Variants in ATP11C observed in about 807,000 individuals in gnomAD.
ATP11C encodes the protein ATPase phospholipid transporting 11C (ATP11C blood group).
A neutral mutation model predicts 97.4 loss-of-function variants in ATP11C; 36 were observed. The observed-to-expected ratio is 0.37, with a 90% CI of 0.28 to 0.49. The LOEUF (loss-of-function observed/expected upper bound fraction) is 0.49. Among genes scored for constraint, ATP11C ranks in the 20% least tolerant of loss-of-function variants. The pLI, the probability that ATP11C is intolerant of heterozygous loss-of-function variation, is 0.98. For missense variants in ATP11C, 730 were observed against 824.6 expected (o/e 0.89, Z 1.40); for synonymous variants, 275 against 290.9 (o/e 0.95, Z 0.56).
At position 139,932,402 on chromosome X, in the gene ATP11C, C is replaced by T. The variant is rs2148203790; in HGVS notation, c.-360G>A. On this transcript the variant is annotated 5_prime_UTR_variant, in exon 1 of 30. Coordinates refer to ENST00000682941, the MANE Select transcript of ATP11C (RefSeq NM_001353812.2). The stretch of plus-strand genomic sequence containing the variant: ...GGAAGGATGGCGGAGGAGCGCGAGG[C>T]TCCTCCTGTGGGGAGGGGGCGCCCC... 9.1e-6 allele frequency: 1 copy of T among 109,916 alleles called. No individual in the cohort carries two copies. Among genetic ancestry groups the T allele is most frequent in the African/African-American group, 3.3e-5 (1 of 30,521 alleles). The allele number at this position is 109,916 out of a possible 1,213,427, so 9.1% of individuals were successfully genotyped here.
At chrX:139,819,835 G>T (rs1332998774) in intron 2 of ATP11C, among the ~76,000 whole-genome samples, 1 of 112,027 alleles carries the variant, frequency 8.9e-6, no homozygotes, top group Non-Finnish European at 1.9e-5. Context: ...TTGTTCACCT[G>T]TATTGTTTAC....
At chrX:139,919,610 CAT>C (rs1183173807) in intron 1 of ATP11C, among the ~76,000 whole-genome samples, 7 of 112,146 alleles carry the variant, frequency 6.2e-5, no homozygotes, top group Middle Eastern at 4.6e-3. Context: ...CAAGTAAAAA[CAT>C]ATTCATTTTA....
chrX:139,788,166 G>C, intron 14 of ATP11C, 26 bp downstream of exon 14: 7 of 1,148,720 alleles, frequency 6.1e-6, no homozygotes, highest in South Asian at 2.0e-5. Flanking sequence ...ACTTTCTTAG[G>C]AGAAGTATAA....
At chrX:139,867,055 C>A (rs1329428344) in intron 1 of ATP11C, among the ~76,000 whole-genome samples, 1 of 111,797 alleles carries the variant, frequency 8.9e-6, no homozygotes, top group Non-Finnish European at 1.9e-5. Flanking sequence ...TACTGCACTC[C>A]AGACTAAGCG....
intron 1 of ATP11C, among the ~76,000 whole-genome samples, chrX:139,895,261 TTTAGA>T (rs1250949328): frequency 8.9e-6 from 1 of 111,859 alleles, no homozygotes; most frequent in Non-Finnish European, 1.9e-5. Flanking sequence ...AATCCCTACT[TTTAGA>T]ATAAGTTTTT....
chrX:139,819,994 T>C (rs1388636976), intron 2 of ATP11C, among the ~76,000 whole-genome samples: 1 of 111,763 alleles, frequency 8.9e-6, no homozygotes, highest in Non-Finnish European at 1.9e-5. Context: ...GAGACCAGCC[T>C]GGCCAACATG....
chrX:139,797,213 T>C lies in ATP11C; in HGVS notation c.971A>G (p.Tyr324Cys). ...QSTPYNDEPW[Y>C]NQKTQKERET... ...TCGCTCTTTCTGAGTCTTTTGGTTA[T>C]ACCAAGGTTCATCATTGTATGGGGT... is the stretch of plus-strand genomic sequence containing the variant. Residue 324 changes from tyrosine (Y) to cysteine (C), a missense_variant, in exon 11 of 30, where the codon TAT becomes TGT. Physicochemically the swap from Tyr to Cys is radical, Grantham distance 194. Coordinates refer to ENST00000682941, the MANE Select transcript of ATP11C (RefSeq NM_001353812.2). 3 of 1,205,931 alleles carry C rather than the reference T, an allele frequency of 2.5e-6. No homozygotes were observed. The highest frequency in any genetic ancestry group is 3.4e-6 in the Non-Finnish European group (3 of 893,385).
chrX:139,735,457 T>A (rs1329180203), intron 28 of ATP11C, among the ~76,000 whole-genome samples: 2 of 111,818 alleles, frequency 1.8e-5, no homozygotes, highest in East Asian at 2.8e-4. Flanking sequence ...GGGGGATCTA[T>A]CAGGATATGG....
intron 18 of ATP11C, among the ~76,000 whole-genome samples, chrX:139,779,570 G>A (rs186012144): frequency 9.0e-6 from 1 of 111,692 alleles, no homozygotes; most frequent in East Asian, 2.8e-4. Context: ...CAAAAATTAT[G>A]GGATATGTCA....
In ATP11C at chrX:139,932,827, A is replaced by C. The variant is rs1203418142; in HGVS notation, c.-785T>G. ...GTGGAGCCGGGCTCTGAGGCAGGGC[A>C]CCGTGAAGACCCCAGCGCGGGAGGG... is the stretch of plus-strand genomic sequence containing the variant. On this transcript the variant is annotated 5_prime_UTR_variant, in exon 1 of 30. Coordinates refer to ENST00000682941, the MANE Select transcript of ATP11C (RefSeq NM_001353812.2). 2 of 111,404 alleles carry C rather than the reference A, an allele frequency of 1.8e-5. No homozygotes were observed. Among genetic ancestry groups the C allele is most frequent in the Non-Finnish European group, 3.8e-5 (2 of 52,895 alleles). The allele number at this position is 111,404 out of a possible 1,213,427, so 9.2% of individuals were successfully genotyped here.
At chrX:139,818,227 G>T (rs1189488740) in intron 3 of ATP11C, among the ~76,000 whole-genome samples, 2 of 111,925 alleles carry the variant, frequency 1.8e-5, no homozygotes, top group Non-Finnish European at 3.8e-5. Context: ...TTCTGTTAAT[G>T]CTTCTTGAAT....
chrX:139,835,926 C>T (rs1239781135), intron 1 of ATP11C, among the ~76,000 whole-genome samples: 1 of 97,308 alleles, frequency 1.0e-5, no homozygotes, highest in African/African-American at 3.8e-5. Flanking sequence ...ACTTGGGAGG[C>T]TGAGGCAGGA....
At chrX:139,787,097 T>A (rs1297751686) in intron 15 of ATP11C, 76 bp downstream of exon 15, 8 of 1,183,381 alleles carry the variant, frequency 6.8e-6, no homozygotes, top group Non-Finnish European at 9.1e-6. Flanking sequence ...TCATTTCCTT[T>A]GCTGCCCTGC....
chrX:139,833,994 T>C (rs182523635), intron 1 of ATP11C, among the ~76,000 whole-genome samples: 8 of 111,807 alleles, frequency 7.2e-5, no homozygotes, highest in Non-Finnish European at 1.3e-4. Context: ...TATAGGAATA[T>C]TGAAACTCTA....
In ATP11C at chrX:139,768,761, C is replaced by T. The variant is rs181339696; in HGVS notation, c.2217-327G>A. 6.4e-5 allele frequency among the ~76,000 whole-genome samples: 7 copies of T among 109,732 alleles called. No homozygotes were observed. The East Asian group carries it at 2.0e-3, about 32-fold the overall frequency. On this transcript the variant is annotated intron_variant, in intron 19 of 29. Coordinates refer to ENST00000682941, the MANE Select transcript of ATP11C (RefSeq NM_001353812.2). ...ATTTTGTGGATGTGATGAAAGTCCA[C>T]AAGCAGTTGATTTCAAGTAAGAGAG...
At chrX:139,820,205 G>A (rs1603387322) in intron 2 of ATP11C, among the ~76,000 whole-genome samples, 2 of 99,428 alleles carry the variant, frequency 2.0e-5, no homozygotes, top group Admixed American at 1.1e-4. Context: ...AAAAAAAAAA[G>A]GCCTGGGCAA....
chrX:139,804,966 A>G (rs2083009707), intron 5 of ATP11C, among the ~76,000 whole-genome samples: 1 of 111,945 alleles, frequency 8.9e-6, no homozygotes, highest in African/African-American at 3.2e-5. Flanking sequence ...CACTTCATGA[A>G]CACTGAACAG....
upstream of ATP11C, among the ~76,000 whole-genome samples, chrX:139,936,876 C>G (rs1031947312): frequency 9.1e-6 from 1 of 110,121 alleles, no homozygotes; most frequent in South Asian, 4.0e-4. Context: ...GGGAGCGGTG[C>G]GAAGGAGTCA....
At chrX:139,925,455 T>TTGTAGCCCAGTCTCAAATGCATAA (rs2085336383) in intron 1 of ATP11C, among the ~76,000 whole-genome samples, 1 of 100,190 alleles carries the variant, frequency 1.0e-5, no homozygotes, top group African/African-American at 3.6e-5. Flanking sequence ...CTGGCTAATT[T>TTGTAGCCCAGTCTCAAATGCATAA]TGTAGCCCAG....
Sources: allele counts gnomAD v4.1 joint callset (sites outside exome capture counted in the v4.1 genomes callset), GRCh38; gene constraint gnomAD v4.1.1; transcripts MANE v1.5; gene names NCBI Gene and HGNC (gene_info 2026-07-23, HGNC 2026-07-21).